The following LBH variants were observed in gnomAD, a reference collection of about 807,000 sequenced individuals.
The protein encoded by LBH is protein LBH.
A neutral mutation model predicts 12.5 loss-of-function variants in LBH; 7 were observed. The ratio of observed to expected loss-of-function variants is 0.56; its 90% CI spans 0.32 to 1.05. The LOEUF (loss-of-function observed/expected upper bound fraction) is 1.05. Ranked by LOEUF, LBH falls within the 50% of genes least tolerant of loss-of-function variation. LBH has a pLI of 0.04. For missense variants in LBH, 119 were observed against 138.9 expected, an observed-to-expected ratio of 0.86 and a Z score of 0.72; for synonymous variants, 51 against 50.1, an observed-to-expected ratio of 1.02 and a Z score of -0.08.
chr2:30,246,648 T>C (rs1375024410), intron 2 of LBH, among the ~76,000 whole-genome samples: 1 of 152,226 alleles, frequency 6.6e-6, no homozygotes, highest in African/African-American at 2.4e-5. Flanking sequence ...TGTTGCAGTA[T>C]GTGTTGGTTG....
chr2:30,257,858 G>T lies in LBH; in HGVS notation c.*237G>T. The T allele has an allele frequency of 5.3e-6, 2 of 378,100 alleles. No individual in the cohort carries two copies. The highest frequency in any genetic ancestry group is 4.8e-6 in the Non-Finnish European group (1 of 210,012). 23.4% of individuals were successfully genotyped at this position (378,100 alleles called of 1,614,324 possible). On this transcript the variant is annotated 3_prime_UTR_variant, in exon 3 of 3. Transcript: ENST00000395323. ...CAATTTGCAAGGCCCTCTGAGAAAG[G>T]AAGCTGCTTAGAGCCAGGGGGTTAG...
Position 30,257,054 on chromosome 2 carries a change from C to G in LBH, c.130-379C>G, listed in dbSNP as rs183309768. Among the ~76,000 whole-genome samples the G allele has an allele frequency of 4.6e-3, 694 of 152,318 alleles. 5 individuals are homozygous for G. The highest frequency in any genetic ancestry group is 0.016 in the African/African-American group (664 of 41,564). The stretch of plus-strand genomic sequence containing the variant: ...TTAATGCTGTGGCACCTGTTGTATT[C>G]TTTGTACTGCTGGAGTAAAATACTT... On this transcript the variant is annotated intron_variant, in intron 2 of 2. Coordinates refer to ENST00000395323, the MANE Select transcript of LBH (RefSeq NM_030915.4).
intron 1 of LBH, chr2:30,232,133 C>T: frequency 2.6e-6 from 4 of 1,545,870 alleles, no homozygotes; most frequent in Non-Finnish European, 3.5e-6. Flanking sequence ...CTGCTCTTCC[C>T]GGGCCCCTCC....
rs1166413194 is a variant in LBH, at chr2:30,257,814, G to A, written c.*193G>A. Reference sequence around the variant, plus strand: ...CCTTTTTTTTTTTTTGAAATTTGCCGAGCAGTGGAGCCCTCTGACAATTTG... The same window carrying A: ...CCTTTTTTTTTTTTTGAAATTTGCCAAGCAGTGGAGCCCTCTGACAATTTG... On this transcript the variant is annotated 3_prime_UTR_variant, in exon 3 of 3. Transcript: ENST00000395323. The A allele has an allele frequency of 9.4e-6, 4 of 426,140 alleles. No homozygotes were observed. The highest frequency in any genetic ancestry group is 5.2e-5 in the Admixed American group (1 of 19,340). 26.4% of individuals were successfully genotyped at this position (426,140 alleles called of 1,614,324 possible).
intron 1 of LBH, chr2:30,232,247 G>A: frequency 2.0e-5 from 8 of 395,036 alleles, no homozygotes; most frequent in Non-Finnish European, 3.4e-5. Flanking sequence ...GGGGTGGGGG[G>A]CGGGAAACGC....
rs1050463977 is a variant in LBH at position 30,259,829 on chromosome 2, T to C, written c.*2208T>C. The C allele has an allele frequency of 3.3e-5, 5 of 152,454 alleles. No individual in the cohort carries two copies. The highest frequency in any genetic ancestry group is 1.9e-4 in the East Asian group (1 of 5,174). 9.4% of individuals were successfully genotyped at this position (152,454 alleles called of 1,614,324 possible). The stretch of plus-strand genomic sequence containing the variant: ...ATCTGGCCTCCTCTTTTTTTTTTTT[T>C]CAAGTAATTTGTGTGTATTTCTAAC... On this transcript the variant is annotated 3_prime_UTR_variant, in exon 3 of 3. Transcript: ENST00000395323.
At chr2:30,240,266 G>A (rs979598347) in intron 2 of LBH, among the ~76,000 whole-genome samples, 2 of 152,188 alleles carry the variant, frequency 1.3e-5, no homozygotes, top group Non-Finnish European at 2.9e-5. Flanking sequence ...TATAGGATCA[G>A]CATTTTCTCT....
At chr2:30,251,520 G>T (rs941328182) in intron 2 of LBH, among the ~76,000 whole-genome samples, 1 of 151,698 alleles carries the variant, frequency 6.6e-6, no homozygotes, top group Non-Finnish European at 1.5e-5. Context: ...CCATCACCAT[G>T]GCCAGGCATG....
At chr2:30,253,664 T>C (rs1319229684) in intron 2 of LBH, among the ~76,000 whole-genome samples, 1 of 152,244 alleles carries the variant, frequency 6.6e-6, no homozygotes, top group Non-Finnish European at 1.5e-5. Flanking sequence ...ATTATTTTAA[T>C]TACTGTGTTC....
intron 2 of LBH, among the ~76,000 whole-genome samples, chr2:30,239,686 A>G (rs1677753955): frequency 6.6e-6 from 1 of 152,104 alleles, no homozygotes; most frequent in Non-Finnish European, 1.5e-5. Context: ...CTTGACAAAA[A>G]TCACAGGAAT....
At chr2:30,246,657 T>G (rs1408932262) in intron 2 of LBH, among the ~76,000 whole-genome samples, 5 of 152,212 alleles carry the variant, frequency 3.3e-5, no homozygotes, top group Admixed American at 3.3e-4. Context: ...ATGTGTTGGT[T>G]GTTGGTTGAA....
At chr2:30,238,806 C>G (rs1677733808) in intron 2 of LBH, among the ~76,000 whole-genome samples, 1 of 151,902 alleles carries the variant, frequency 6.6e-6, no homozygotes, top group African/African-American at 2.4e-5. Flanking sequence ...GACGACCAGC[C>G]TTTCCCGGCA....
chr2:30,254,420 G>T (rs996206455), intron 2 of LBH, among the ~76,000 whole-genome samples: 1 of 152,218 alleles, frequency 6.6e-6, no homozygotes, highest in Non-Finnish European at 1.5e-5. Context: ...CAAAACTGTG[G>T]ATAAGTTGGG....
chr2:30,259,832 A>G lies in LBH; in HGVS notation c.*2211A>G, dbSNP rs1186457784. On this transcript the variant is annotated 3_prime_UTR_variant, in exon 3 of 3. Transcript: ENST00000395323. ...TGGCCTCCTCTTTTTTTTTTTTTCA[A>G]GTAATTTGTGTGTATTTCTAACTGA... 3 of 151,588 alleles carry G rather than the reference A, an allele frequency of 2.0e-5. No individual in the cohort carries two copies. Among genetic ancestry groups the G allele is most frequent in the Admixed American group, 2.0e-4 (3 of 15,188 alleles). The allele number at this position is 151,588 out of a possible 1,614,324, so 9.4% of individuals were successfully genotyped here.
rs1173732479 is a variant in LBH at position 30,257,515 on chromosome 2, G to A, written c.212G>A (p.Gly71Glu). Reference protein sequence around the residue: ...LPSIVVEPTEGEVESGELRWP... With the variant: ...LPSIVVEPTEEEVESGELRWP... The stretch of plus-strand genomic sequence containing the variant: ...TCCATAGTGGTGGAACCCACAGAAG[G>A]GGAGGTGGAGAGCGGGGAGCTCCGG... The change falls in exon 3 of 3, where the codon GGG becomes GAG. Residue 71 changes from glycine (G) to glutamate (E), a missense_variant. Coordinates refer to ENST00000395323, the MANE Select transcript of LBH (RefSeq NM_030915.4). 6.2e-7 allele frequency: 1 copy of A among 1,614,144 alleles called. No homozygotes were observed. Among genetic ancestry groups the A allele is most frequent in the African/African-American group, 1.3e-5 (1 of 74,950 alleles).
Position 30,231,569 on chromosome 2 carries a change from A to G in LBH, c.-170A>G, listed in dbSNP as rs1462771212. The G allele has an allele frequency of 1.6e-6, 1 of 642,478 alleles. No individual in the cohort carries two copies. The highest frequency in any genetic ancestry group is 2.8e-6 in the Non-Finnish European group (1 of 356,554). 39.8% of individuals were successfully genotyped at this position (642,478 alleles called of 1,614,324 possible). A position where few individuals can be genotyped will look rare whatever the true frequency, so the allele number is the denominator to read the frequency against. ...CAGTGGAGAGCGGGGAGTTGTGTCC[A>G]CCTTGCCGACGTCGCTAGCCGTGGG... On this transcript the variant is annotated 5_prime_UTR_variant, in exon 1 of 3. Transcript: ENST00000395323.
rs886828942 is a variant in LBH, at chr2:30,243,525, CT to C, written c.129+9041del. Among the ~76,000 whole-genome samples, 981 of 110,158 alleles carry C rather than the reference CT, an allele frequency of 8.9e-3. 1 individual carries two copies. Among genetic ancestry groups the C allele is most frequent in the African/African-American group, 0.013 (348 of 26,020 alleles). 72.3% of individuals were successfully genotyped at this position (110,158 alleles called of 152,430 possible). On this transcript the variant is annotated intron_variant, in intron 2 of 2. Coordinates refer to ENST00000395323, the MANE Select transcript of LBH (RefSeq NM_030915.4). ...CCTGGAATTAAGGATGGGCTGGACT[CT>C]TTTTTTTTTTTTTTTTTTTTTTGAG...
At chr2:30,252,312 A>G (rs986778440) in intron 2 of LBH, among the ~76,000 whole-genome samples, 14 of 152,184 alleles carry the variant, frequency 9.2e-5, no homozygotes, top group African/African-American at 1.7e-4. Context: ...CGCTTCCACC[A>G]TGATTGTAAG....
At chr2:30,235,690 TAA>T (rs11285876) in intron 2 of LBH, among the ~76,000 whole-genome samples, 8,626 of 146,434 alleles carry the variant, frequency 0.059, 821 homozygotes, top group African/African-American at 0.2. Context: ...TTTTGTAAAT[TAA>T]AAAAAAAAAA....
Sources: gnomAD v4.1 joint callset for allele counts (sites outside exome capture counted in the v4.1 genomes callset) on GRCh38, gnomAD v4.1.1 for gene constraint, MANE v1.5 for transcripts, NCBI Gene and HGNC (gene_info 2026-07-23, HGNC 2026-07-21) for gene names.